The following DIAPH2 variants were observed in gnomAD, a reference collection of about 807,000 sequenced individuals.
DIAPH2 encodes protein diaphanous homolog 2.
A neutral mutation model predicts 92.7 loss-of-function variants in DIAPH2; 35 were observed. That is an observed-to-expected ratio of 0.38 (90% CI 0.29 to 0.50). The LOEUF (loss-of-function observed/expected upper bound fraction) is 0.50, where lower values mean the gene tolerates loss of function less well. Among genes scored for constraint, DIAPH2 ranks in the 20% least tolerant of loss-of-function variants. The pLI, the probability that DIAPH2 is intolerant of heterozygous loss-of-function variation, is 0.94. For synonymous variants in DIAPH2, 301 were observed against 280.4 expected, an observed-to-expected ratio of 1.07 and a Z score of -0.73; for missense variants, 701 against 819.5, an observed-to-expected ratio of 0.86 and a Z score of 1.77.
intron 1 of DIAPH2, among the ~76,000 whole-genome samples, chrX:96,698,421 A>G (rs903660670): frequency 8.9e-6 from 1 of 111,840 alleles, no homozygotes; most frequent in East Asian, 2.8e-4. Context: ...TGGCTGCTAT[A>G]AAAGTGTGGT....
At chrX:97,438,126 AAAAAAAAAAAG>A (rs1243376386) in intron 26 of DIAPH2, among the ~76,000 whole-genome samples, 6 of 106,982 alleles carry the variant, frequency 5.6e-5, no homozygotes, top group Non-Finnish European at 1.2e-4. Flanking sequence ...CTCTTTAAAA[AAAAAAAAAAAG>A]AAAAAAAAAA....
intron 17 of DIAPH2, among the ~76,000 whole-genome samples, chrX:97,024,182 T>G (rs2066316187): frequency 1.8e-5 from 2 of 112,472 alleles, no homozygotes; most frequent in South Asian, 7.4e-4. Flanking sequence ...TAGAAAACTT[T>G]ACACTTTTAA....
intron 23 of DIAPH2, among the ~76,000 whole-genome samples, chrX:97,276,101 C>T (rs2068448844): frequency 8.9e-6 from 1 of 112,111 alleles, no homozygotes; most frequent in South Asian, 3.7e-4. Flanking sequence ...ACAGCGAAAC[C>T]CCGTCTCCAC....
chrX:97,288,393 A>G (rs936818321), intron 23 of DIAPH2, among the ~76,000 whole-genome samples: 1 of 111,144 alleles, frequency 9.0e-6, no homozygotes, highest in Non-Finnish European at 1.9e-5. Flanking sequence ...CTGTGGGGCC[A>G]TGCTAAATTG....
intron 22 of DIAPH2, among the ~76,000 whole-genome samples, chrX:97,212,992 G>A (rs1229445373): frequency 9.0e-6 from 1 of 111,423 alleles, no homozygotes; most frequent in East Asian, 2.8e-4. Context: ...TTGTATATAT[G>A]CTTTAAAGGA....
chrX:97,361,842 C>T (rs1348237429), intron 24 of DIAPH2, among the ~76,000 whole-genome samples: 1 of 111,786 alleles, frequency 8.9e-6, no homozygotes, highest in Non-Finnish European at 1.9e-5. Flanking sequence ...AGATTGATTC[C>T]TTCACATTTT....
At chrX:97,199,168 T>C (rs1037541389) in intron 22 of DIAPH2, among the ~76,000 whole-genome samples, 1 of 110,598 alleles carries the variant, frequency 9.0e-6, no homozygotes, top group African/African-American at 3.3e-5. Flanking sequence ...TTAGCCACCC[T>C]CAATCTAAGT....
intron 22 of DIAPH2, among the ~76,000 whole-genome samples, chrX:97,186,851 A>G (rs771541244): frequency 2.7e-5 from 3 of 111,822 alleles, no homozygotes; most frequent in Admixed American, 1.9e-4. Context: ...CATTTCCACT[A>G]TTTTGGTCTG....
chrX:97,300,946 AAAAAAAAAAAAAAAAAAAAG>A (rs1351372848), intron 23 of DIAPH2, among the ~76,000 whole-genome samples: 20 of 59,657 alleles, frequency 3.4e-4, no homozygotes, highest in South Asian at 1.9e-3. Context: ...AAAAAAAAAA[AAAAAAAAAAAAAAAAAAAAG>A]AAGAAGAAGA....
chrX:97,528,885 C>T (rs778985407), intron 26 of DIAPH2: 68 of 110,635 alleles, frequency 6.1e-4, no homozygotes, highest in African/African-American at 2.1e-3. Context: ...CCAGCTTGGC[C>T]AACATGGTGA....
At chrX:97,278,877 G>A (rs1462019767) in intron 23 of DIAPH2, among the ~76,000 whole-genome samples, 1 of 112,321 alleles carries the variant, frequency 8.9e-6, no homozygotes, top group Non-Finnish European at 1.9e-5. Flanking sequence ...AAGGATGCGA[G>A]ACAGGCAGGC....
At chrX:96,735,123 C>T (rs144253687) in intron 1 of DIAPH2, among the ~76,000 whole-genome samples, 6,798 of 111,215 alleles carry the variant, frequency 0.061, 213 homozygotes, top group Non-Finnish European at 0.094. Flanking sequence ...TTTAGTATTG[C>T]TGTACTTAAA....
At chrX:96,810,710 G>T (rs1303108744) in intron 4 of DIAPH2, among the ~76,000 whole-genome samples, 1 of 111,527 alleles carries the variant, frequency 9.0e-6, no homozygotes, top group East Asian at 2.8e-4. Context: ...GTGTAAGGGG[G>T]GAATCCAGTT....
At chrX:97,352,002 G>C (rs1454389668) in intron 24 of DIAPH2, among the ~76,000 whole-genome samples, 1 of 110,668 alleles carries the variant, frequency 9.0e-6, no homozygotes, top group Non-Finnish European at 1.9e-5. Context: ...ACTCTCCCAG[G>C]GGAGGGAAGA....
chrX:97,220,367 GA>G (rs763951265), intron 22 of DIAPH2, among the ~76,000 whole-genome samples: 57 of 75,947 alleles, frequency 7.5e-4, no homozygotes, highest in Admixed American at 1.5e-3. Flanking sequence ...ACAAGTTTTA[GA>G]AAAAAAAAAA....
chrX:97,227,293 C>T (rs1367978235), intron 22 of DIAPH2, among the ~76,000 whole-genome samples: 1 of 110,877 alleles, frequency 9.0e-6, no homozygotes, highest in Non-Finnish European at 1.9e-5. Flanking sequence ...CTCACAAAAT[C>T]AATAAAGCAA....
chrX:97,007,915 A>G (rs1198518214), intron 17 of DIAPH2, among the ~76,000 whole-genome samples: 3 of 104,023 alleles, frequency 2.9e-5, no homozygotes, highest in Non-Finnish European at 5.9e-5. Context: ...GGCGCCTGCC[A>G]CCACGCCCGG....
intron 25 of DIAPH2, among the ~76,000 whole-genome samples, chrX:97,414,801 A>G (rs1161665206): frequency 8.9e-6 from 1 of 111,877 alleles, no homozygotes; most frequent in African/African-American, 3.3e-5. Context: ...GGACATGGGC[A>G]TGGGCAAGGA....
At chrX:97,278,591 C>T (rs2068470855) in intron 23 of DIAPH2, among the ~76,000 whole-genome samples, 1 of 111,738 alleles carries the variant, frequency 8.9e-6, no homozygotes, top group Non-Finnish European at 1.9e-5. Context: ...AAGAAGATTG[C>T]CTTCTTTTAC....
Sources: allele counts gnomAD v4.1 joint callset (sites outside exome capture counted in the v4.1 genomes callset), GRCh38; gene constraint gnomAD v4.1.1; transcripts MANE v1.5; gene names NCBI Gene and HGNC (gene_info 2026-07-23, HGNC 2026-07-21).